The following PSMA6 variants were observed in gnomAD, a reference collection of about 807,000 sequenced individuals.
PSMA6 encodes proteasome subunit alpha type-6.
For missense variants in PSMA6, 170 were observed against 294.8 expected, an observed-to-expected ratio of 0.58 and a Z score of 3.10; for synonymous variants, 88 against 97.7, an observed-to-expected ratio of 0.90 and a Z score of 0.59.
intron 6 of PSMA6, chr14:35,316,953 T>C (rs79419365): frequency 0.01 from 2,784 of 276,610 alleles, 23 homozygotes; most frequent in Non-Finnish European, 0.013. Context: ...TCAATTGAAA[T>C]ATTTTCTATC....
intron 1 of PSMA6, among the ~76,000 whole-genome samples, chr14:35,285,339 C>CAAAAAAAA (rs758651038): frequency 2.2e-4 from 12 of 54,508 alleles, no homozygotes; most frequent in African/African-American, 5.8e-4. Context: ...AACTCTATCT[C>CAAAAAAAA]AAAAAAAACA....
chr14:35,281,239 C>G (rs2051363470), intron 1 of PSMA6, among the ~76,000 whole-genome samples: 1 of 152,184 alleles, frequency 6.6e-6, no homozygotes, highest in Non-Finnish European at 1.5e-5. Flanking sequence ...TGAGTAGCCA[C>G]AAACCATTCC....
At chr14:35,306,433 G>A (rs1455049788) in intron 1 of PSMA6, among the ~76,000 whole-genome samples, 1 of 152,186 alleles carries the variant, frequency 6.6e-6, no homozygotes, top group African/African-American at 2.4e-5. Flanking sequence ...GCCAGGTGCA[G>A]TGGCTCATGC....
chr14:35,299,054 T>TGGA (rs1566555672), intron 1 of PSMA6, among the ~76,000 whole-genome samples: 1 of 152,086 alleles, frequency 6.6e-6, no homozygotes, highest in Admixed American at 6.6e-5. Context: ...TGAGACAGGG[T>TGGA]CTCACTCTGT....
Position 35,317,362 on chromosome 14 carries a change from A to G in PSMA6, c.*56A>G. ...GCCACTTACCTGTGTGTTTGGTAAC[A>G]ACAAACCAACATCATGGAGGTCCCT... On this transcript the variant is annotated 3_prime_UTR_variant, in exon 7 of 7. Transcript: ENST00000261479. 6.9e-7 allele frequency: 1 copy of G among 1,459,296 alleles called. No individual in the cohort carries two copies. The highest frequency in any genetic ancestry group is 9.6e-7 in the Non-Finnish European group (1 of 1,042,146). The allele number at this position is 1,459,296 out of a possible 1,614,324, so 90.4% of individuals were successfully genotyped here. A position where few individuals can be genotyped will look rare whatever the true frequency, so the allele number is the denominator to read the frequency against.
intron 4 of PSMA6, 134 bp downstream of exon 4, chr14:35,311,029 A>T (rs1156957137): frequency 2.4e-6 from 2 of 847,198 alleles, no homozygotes; most frequent in Non-Finnish European, 3.6e-6. Flanking sequence ...GAAAATCTTT[A>T]TAATAAATCA....
At chr14:35,298,284 G>A (rs1008993328) in intron 1 of PSMA6, among the ~76,000 whole-genome samples, 5 of 152,090 alleles carry the variant, frequency 3.3e-5, no homozygotes, top group South Asian at 2.1e-4. Flanking sequence ...AAGTTTAGGT[G>A]TTCAAGACCA....
chr14:35,311,861 G>A (rs966224200), intron 4 of PSMA6, among the ~76,000 whole-genome samples: 1 of 152,084 alleles, frequency 6.6e-6, no homozygotes, highest in African/African-American at 2.4e-5. Context: ...GCCTGTAAGT[G>A]TATTTCAGTT....
chr14:35,297,485 G>A (rs1035814325), intron 1 of PSMA6, among the ~76,000 whole-genome samples: 6 of 152,110 alleles, frequency 3.9e-5, no homozygotes, highest in African/African-American at 1.4e-4. Context: ...AAAGTGCTGG[G>A]ATTACAGGCG....
At chr14:35,288,966 AT>A (rs113689902), upstream of PSMA6, among the ~76,000 whole-genome samples, 2 of 149,608 alleles carry the variant, frequency 1.3e-5, no homozygotes. Context: ...TTTTTTTGCA[AT>A]TTTTTTTTTA....
chr14:35,306,795 A>G (rs2051834815), intron 1 of PSMA6, among the ~76,000 whole-genome samples: 1 of 152,146 alleles, frequency 6.6e-6, no homozygotes, highest in African/African-American at 2.4e-5. Context: ...TAGTGTTTTA[A>G]CCAATAGAAT....
At chr14:35,313,081 G>T in intron 5 of PSMA6, 22 bp downstream of exon 5, 2 of 1,552,068 alleles carry the variant, frequency 1.3e-6, no homozygotes, top group South Asian at 2.4e-5. Context: ...AAAAGGAGCT[G>T]ACTTTTTTTA....
chr14:35,317,200 G>A (rs749106536), intron 6 of PSMA6, 49 bp from the exon 7 acceptor site: 48 of 1,526,814 alleles, frequency 3.1e-5, no homozygotes, highest in Non-Finnish European at 4.2e-5. Context: ...ACGTGTGTTT[G>A]AAAAAATTTT....
upstream of PSMA6, among the ~76,000 whole-genome samples, chr14:35,291,076 G>A (rs1450866948): frequency 6.9e-6 from 1 of 144,930 alleles, no homozygotes; most frequent in Non-Finnish European, 1.5e-5. Context: ...ACTGCAACCT[G>A]GATCTCCTGG....
At chr14:35,281,956 A>G (rs2051370597) in intron 1 of PSMA6, among the ~76,000 whole-genome samples, 1 of 152,136 alleles carries the variant, frequency 6.6e-6, no homozygotes, top group South Asian at 2.1e-4. Context: ...GTTCTCAGTT[A>G]ATCCCTTTCC....
rs2052009023 is a variant in PSMA6 at position 35,314,702 on chromosome 14, T to C, written c.683+247T>C. ...ATCTAACACCAGAGATGACATAAAG[T>C]TACCTTCCTTATGTAAGGAAAAAAA... On this transcript the variant is annotated intron_variant, in intron 6 of 6. Transcript: ENST00000261479. The C allele has an allele frequency of 1.1e-5, 3 of 281,350 alleles. No individual in the cohort carries two copies. The South Asian group carries it at 4.5e-4, about 42-fold the overall frequency. 17.4% of individuals were successfully genotyped at this position (281,350 alleles called of 1,614,324 possible).
At chr14:35,285,452 G>GGCTTACT (rs2051413561) in intron 1 of PSMA6, among the ~76,000 whole-genome samples, 2 of 151,834 alleles carry the variant, frequency 1.3e-5, no homozygotes, top group South Asian at 4.2e-4. Context: ...TGGTCAAAAT[G>GGCTTACT]ATCAGAAACC....
At chr14:35,290,845 TCCC>T (rs778524687), upstream of PSMA6, among the ~76,000 whole-genome samples, 5 of 152,208 alleles carry the variant, frequency 3.3e-5, no homozygotes, top group Non-Finnish European at 7.3e-5. Flanking sequence ...CCTGCTCTTC[TCCC>T]GGAGCTACCT....
chr14:35,292,482 C>G lies in PSMA6; in HGVS notation c.6C>G (p.Ser2=). The change falls in exon 1 of 7, where the codon TCC becomes TCG. Residue 2 remains serine (S), a synonymous_variant. Coordinates refer to ENST00000261479, the MANE Select transcript of PSMA6 (RefSeq NM_002791.3). ...AAAGTAGTGCTTCTACCAACATGTC[C>G]CGTGGTTCCAGCGCCGGTTTTGACC... M[S]RGSSAGFDRH... 4 of 1,613,696 alleles carry G rather than the reference C, an allele frequency of 2.5e-6. No individual in the cohort carries two copies. The highest frequency in any genetic ancestry group is 3.4e-6 in the Non-Finnish European group (4 of 1,179,762).
Sources: allele counts gnomAD v4.1 joint callset (sites outside exome capture counted in the v4.1 genomes callset), GRCh38; gene constraint gnomAD v4.1.1; transcripts MANE v1.5; gene names NCBI Gene and HGNC (gene_info 2026-07-23, HGNC 2026-07-21).